Variants in MLLT10 observed in about 807,000 individuals in gnomAD.
MLLT10 encodes MLLT10 histone lysine methyltransferase DOT1L cofactor, also known as protein AF-10.
A neutral mutation model predicts 129.1 loss-of-function variants in MLLT10; 30 were observed. The observed-to-expected ratio is 0.23, with a 90% CI of 0.17 to 0.32. The LOEUF (loss-of-function observed/expected upper bound fraction) is 0.32. Among genes scored for constraint, MLLT10 ranks in the 10% least tolerant of loss-of-function variants. MLLT10 has a pLI of 1.00. For synonymous variants in MLLT10, 490 were observed against 446.4 expected (o/e 1.10, Z -1.23); for missense variants, 1,119 against 1,268.3 (o/e 0.88, Z 1.79).
chr10:21,731,386 G>A (rs887650631), intron 17 of MLLT10, among the ~76,000 whole-genome samples: 8 of 152,084 alleles, frequency 5.3e-5, no homozygotes, highest in African/African-American at 1.9e-4. Context: ...CATGAAAAAT[G>A]TAAGGACCAC....
chr10:21,702,150 C>A (rs139913038), intron 13 of MLLT10, among the ~76,000 whole-genome samples: 1 of 151,920 alleles, frequency 6.6e-6, no homozygotes, highest in African/African-American at 2.4e-5. Context: ...TGATCTCAAT[C>A]TCTTGACCTT....
chr10:21,710,519 A>G (rs747692375), intron 13 of MLLT10, among the ~76,000 whole-genome samples: 18 of 152,216 alleles, frequency 1.2e-4, no homozygotes, highest in Non-Finnish European at 2.4e-4. Context: ...GTGCAGACCA[A>G]TAGTAAGTAT....
chr10:21,574,765 C>T (rs564005096), intron 3 of MLLT10, among the ~76,000 whole-genome samples: 1 of 152,124 alleles, frequency 6.6e-6, no homozygotes, highest in African/African-American at 2.4e-5. Flanking sequence ...GGGAGTGTCT[C>T]TTAGCATGTT....
intron 8 of MLLT10, among the ~76,000 whole-genome samples, chr10:21,620,905 A>G (rs947689508): frequency 1.3e-5 from 2 of 148,756 alleles, no homozygotes; most frequent in African/African-American, 5.0e-5. Context: ...CTGGTCTCGA[A>G]CTCCTGACCT....
intron 3 of MLLT10, among the ~76,000 whole-genome samples, chr10:21,547,971 G>T (rs1358555073): frequency 6.6e-6 from 1 of 151,990 alleles, no homozygotes; most frequent in Non-Finnish European, 1.5e-5. Flanking sequence ...TACTTTGAAG[G>T]TTTTGGTATT....
At chr10:21,729,542 A>T (rs1211147321) in intron 16 of MLLT10, among the ~76,000 whole-genome samples, 1 of 152,236 alleles carries the variant, frequency 6.6e-6, no homozygotes, top group Non-Finnish European at 1.5e-5. Context: ...TTTGTTTAAC[A>T]TCTTACGAAA....
intron 3 of MLLT10, chr10:21,556,538 A>C: frequency 2.5e-6 from 2 of 809,636 alleles, no homozygotes; most frequent in Non-Finnish European, 3.8e-6. Context: ...GATTTCTTCC[A>C]TTTACCCTCT....
At chr10:21,733,455 T>A in intron 18 of MLLT10, 49 bp from the exon 19 acceptor site, 1 of 1,167,226 alleles carries the variant, frequency 8.6e-7, no homozygotes, top group Non-Finnish European at 1.2e-6. Context: ...TTACACATAA[T>A]GTAATTTAAT....
chr10:21,740,689 TCA>T (rs754158734), intron 22 of MLLT10, among the ~76,000 whole-genome samples: 15 of 152,230 alleles, frequency 9.9e-5, no homozygotes, highest in Non-Finnish European at 1.8e-4. Context: ...AGGGAGTAAA[TCA>T]CAGTCACATC....
At chr10:21,644,006 G>A (rs2048255153) in intron 8 of MLLT10, among the ~76,000 whole-genome samples, 1 of 152,142 alleles carries the variant, frequency 6.6e-6, no homozygotes, top group South Asian at 2.1e-4. Context: ...TCTTGGCAAT[G>A]TGTATTTTCC....
chr10:21,602,292 TAC>T (rs1460419990), intron 5 of MLLT10, among the ~76,000 whole-genome samples: 2 of 152,286 alleles, frequency 1.3e-5, no homozygotes, highest in East Asian at 1.9e-4. Flanking sequence ...AATTCCAGGA[TAC>T]ACAGTTTGCC....
Position 21,741,908 on chromosome 10 carries a change from C to T in MLLT10, c.3163-31C>T, listed in dbSNP as rs138711023. The T allele has an allele frequency of 9.4e-6, 15 of 1,600,322 alleles. No individual in the cohort carries two copies. The East Asian group carries it at 2.5e-4, about 26-fold the overall frequency. Reference sequence around the variant, plus strand: ...AGAATATTATCAAAAGTTGATTTAGCTAACGCATCTGCTCTTTTGTTTACC... The same window carrying T: ...AGAATATTATCAAAAGTTGATTTAGTTAACGCATCTGCTCTTTTGTTTACC... On this transcript the variant is annotated intron_variant, in intron 22 of 22. Transcript: ENST00000307729.
At chr10:21,552,707 TTAAA>T (rs1229249053) in intron 3 of MLLT10, among the ~76,000 whole-genome samples, 8 of 152,204 alleles carry the variant, frequency 5.3e-5, no homozygotes, top group African/African-American at 1.9e-4. Flanking sequence ...CATTGCTTTC[TTAAA>T]TAATCTGCAT....
intron 8 of MLLT10, among the ~76,000 whole-genome samples, chr10:21,639,043 C>T (rs1422187152): frequency 6.6e-6 from 1 of 152,202 alleles, no homozygotes; most frequent in Non-Finnish European, 1.5e-5. Context: ...TCCTCAGATC[C>T]CATTAATTGG....
intron 3 of MLLT10, among the ~76,000 whole-genome samples, chr10:21,547,303 C>T (rs1424048116): frequency 2.6e-5 from 4 of 152,080 alleles, no homozygotes; most frequent in Admixed American, 6.6e-5. Context: ...ATCTGTACTC[C>T]GTTTGAACAA....
intron 3 of MLLT10, among the ~76,000 whole-genome samples, chr10:21,582,802 G>A (rs999828797): frequency 2.0e-5 from 3 of 152,198 alleles, no homozygotes; most frequent in Admixed American, 6.5e-5. Flanking sequence ...TGAGCAATGT[G>A]TCATTGAAAA....
intron 3 of MLLT10, among the ~76,000 whole-genome samples, chr10:21,553,251 G>T (rs569286588): frequency 6.6e-6 from 1 of 151,990 alleles, no homozygotes; most frequent in South Asian, 2.1e-4. Context: ...ATCATTTTCC[G>T]TCAGAATTTG....
intron 8 of MLLT10, among the ~76,000 whole-genome samples, chr10:21,621,449 G>A (rs2045845132): frequency 6.6e-6 from 1 of 152,072 alleles, no homozygotes; most frequent in African/African-American, 2.4e-5. Flanking sequence ...GTTTCACCGT[G>A]TTAGCCAGGA....
At chr10:21,624,891 G>GGT (rs2046274685) in intron 8 of MLLT10, 1 of 1,211,342 alleles carries the variant, frequency 8.3e-7, no homozygotes, top group Admixed American at 2.2e-5. Flanking sequence ...TGGTCCCAAA[G>GGT]GTGCCCCCTT....
Sources: gnomAD v4.1 joint callset for allele counts (sites outside exome capture counted in the v4.1 genomes callset) on GRCh38, gnomAD v4.1.1 for gene constraint, MANE v1.5 for transcripts, NCBI Gene and HGNC (gene_info 2026-07-23, HGNC 2026-07-21) for gene names.